The following IQCJ variants were observed in gnomAD, a reference collection of about 807,000 sequenced individuals.
IQCJ encodes IQ domain-containing protein J.
In IQCJ, 9 loss-of-function variants were observed where a neutral mutation model predicts 11.0. The ratio of observed to expected loss-of-function variants is 0.82; its 90% CI spans 0.49 to 1.43. The LOEUF (loss-of-function observed/expected upper bound fraction) is 1.43. IQCJ is among the 40% of genes most tolerant of loss of function. The pLI is 0.00. For synonymous variants in IQCJ, 55 were observed against 51.3 expected, an observed-to-expected ratio of 1.07 and a Z score of -0.31; for missense variants, 146 against 133.2, an observed-to-expected ratio of 1.10 and a Z score of -0.47.
At chr3:159,142,765 A>G (rs2108184794) in intron 1 of IQCJ, among the ~76,000 whole-genome samples, 1 of 152,184 alleles carries the variant, frequency 6.6e-6, no homozygotes, top group Middle Eastern at 3.4e-3. Context: ...TTGGAACGTA[A>G]TGCCAAATTA....
At chr3:159,086,579 C>G (rs1716791805) in intron 1 of IQCJ, among the ~76,000 whole-genome samples, 1 of 151,974 alleles carries the variant, frequency 6.6e-6, no homozygotes. Context: ...TGTTTGTATC[C>G]TCTTTTATTT....
intron 1 of IQCJ, among the ~76,000 whole-genome samples, chr3:159,076,852 G>A (rs1184028875): frequency 6.6e-6 from 1 of 152,042 alleles, no homozygotes; most frequent in Non-Finnish European, 1.5e-5. Flanking sequence ...GAGTGACCTT[G>A]GGGAATTAAC....
intron 1 of IQCJ, among the ~76,000 whole-genome samples, chr3:159,122,379 G>A (rs189056099): frequency 6.6e-6 from 1 of 152,264 alleles, no homozygotes; most frequent in African/African-American, 2.4e-5. Flanking sequence ...GGAACTGTTC[G>A]ATATGAGACT....
intron 1 of IQCJ, among the ~76,000 whole-genome samples, chr3:159,102,046 C>G (rs1323600285): frequency 1.3e-5 from 2 of 152,172 alleles, no homozygotes; most frequent in South Asian, 2.1e-4. Context: ...CTTGTATTTT[C>G]TCTTGCTCTT....
chr3:159,087,069 C>G lies in IQCJ; in HGVS notation c.9+17628C>G, dbSNP rs151164582. Among the ~76,000 whole-genome samples the G allele has an allele frequency of 4.3e-3, 659 of 152,202 alleles. 1 individual carries two copies. Among genetic ancestry groups the G allele is most frequent in the Non-Finnish European group, 7.6e-3 (518 of 68,010 alleles). On this transcript the variant is annotated intron_variant, in intron 1 of 3. Transcript: ENST00000397832. ...GGCTGTGGGTTTGTGATAGATAGCT[C>G]TTATTATTTTGAAATATGTCCCATC...
At chr3:159,101,962 C>G (rs1426089292) in intron 1 of IQCJ, among the ~76,000 whole-genome samples, 2 of 152,220 alleles carry the variant, frequency 1.3e-5, no homozygotes, top group Admixed American at 1.3e-4. Flanking sequence ...TTTTTAGCTA[C>G]TGAGGTGTTT....
At chr3:159,165,345 G>A (rs1722103500) in intron 1 of IQCJ, among the ~76,000 whole-genome samples, 1 of 152,168 alleles carries the variant, frequency 6.6e-6, no homozygotes, top group Admixed American at 6.5e-5. Flanking sequence ...CATGTTAACA[G>A]GGTCTTCTGA....
chr3:159,184,963 T>C (rs1227247022), intron 1 of IQCJ, among the ~76,000 whole-genome samples: 2 of 152,144 alleles, frequency 1.3e-5, no homozygotes, highest in East Asian at 3.9e-4. Context: ...TGATAAGAAG[T>C]TACTTATTGA....
chr3:159,080,034 A>T (rs762362874), intron 1 of IQCJ, among the ~76,000 whole-genome samples: 6 of 152,144 alleles, frequency 3.9e-5, no homozygotes, highest in African/African-American at 4.8e-5. Context: ...CCATTTATTT[A>T]TTGCAAAAGT....
chr3:159,173,487 C>T (rs1392076700), intron 1 of IQCJ, among the ~76,000 whole-genome samples: 2 of 152,156 alleles, frequency 1.3e-5, no homozygotes, highest in Non-Finnish European at 2.9e-5. Flanking sequence ...ACTCCTACAT[C>T]GCAGGATAGT....
chr3:159,243,158 C>A (rs1727038602), intron 1 of IQCJ, among the ~76,000 whole-genome samples: 1 of 152,112 alleles, frequency 6.6e-6, no homozygotes, highest in African/African-American at 2.4e-5. Context: ...TATAAAATAG[C>A]ACAACCACTT....
chr3:159,178,973 C>T (rs1331831586), intron 1 of IQCJ, among the ~76,000 whole-genome samples: 2 of 151,892 alleles, frequency 1.3e-5, no homozygotes, highest in Non-Finnish European at 1.5e-5. Flanking sequence ...TGTGTGTGTG[C>T]GCACATGCAT....
At chr3:159,258,153 T>G (rs1193227835) in intron 3 of IQCJ, among the ~76,000 whole-genome samples, 1 of 152,240 alleles carries the variant, frequency 6.6e-6, no homozygotes, top group African/African-American at 2.4e-5. Flanking sequence ...TGATTCATTC[T>G]CATGTGGGTT....
chr3:159,090,406 A>G (rs900152273), intron 1 of IQCJ, among the ~76,000 whole-genome samples: 2 of 151,708 alleles, frequency 1.3e-5, no homozygotes, highest in Non-Finnish European at 2.9e-5. Context: ...AGCTGTTCCT[A>G]TTTGGCCATC....
intron 1 of IQCJ, among the ~76,000 whole-genome samples, chr3:159,074,527 C>T (rs1576985205): frequency 6.6e-6 from 1 of 152,060 alleles, no homozygotes; most frequent in Non-Finnish European, 1.5e-5. Flanking sequence ...CATTTATTTC[C>T]CCAAATGAAT....
chr3:159,226,665 C>T (rs1725872379), intron 1 of IQCJ, among the ~76,000 whole-genome samples: 1 of 152,138 alleles, frequency 6.6e-6, no homozygotes, highest in African/African-American at 2.4e-5. Flanking sequence ...GACTAAATAA[C>T]ATTTCAGGAT....
intron 1 of IQCJ, among the ~76,000 whole-genome samples, chr3:159,150,158 A>G (rs1305645615): frequency 6.6e-6 from 1 of 152,190 alleles, no homozygotes; most frequent in African/African-American, 2.4e-5. Context: ...AACCCAGAAC[A>G]GGGATTTGAA....
intron 1 of IQCJ, among the ~76,000 whole-genome samples, chr3:159,160,603 G>A (rs895607303): frequency 6.6e-6 from 1 of 151,352 alleles, no homozygotes; most frequent in Admixed American, 6.6e-5. Flanking sequence ...ACATATGTAT[G>A]CATGTGCCAT....
intron 1 of IQCJ, among the ~76,000 whole-genome samples, chr3:159,236,480 C>G (rs1726600067): frequency 6.6e-6 from 1 of 152,166 alleles, no homozygotes; most frequent in Admixed American, 6.5e-5. Context: ...TTGTAATTCA[C>G]ACAGTTATTT....
Sources: gnomAD v4.1 joint callset for allele counts (sites outside exome capture counted in the v4.1 genomes callset) on GRCh38, gnomAD v4.1.1 for gene constraint, MANE v1.5 for transcripts, NCBI Gene and HGNC (gene_info 2026-07-23, HGNC 2026-07-21) for gene names.